Variants in FSTL5 observed in about 807,000 individuals in gnomAD.
FSTL5 encodes the protein follistatin like 5.
A neutral mutation model predicts 89.1 loss-of-function variants in FSTL5; 62 were observed. The observed-to-expected ratio is 0.70, with a 90% CI of 0.57 to 0.86. The LOEUF is 0.86. Among genes scored for constraint, FSTL5 ranks in the 40% least tolerant of loss-of-function variants. FSTL5 has a pLI of 0.00. For synonymous variants in FSTL5, 383 were observed against 346.2 expected (o/e 1.11, Z -1.18); for missense variants, 1,057 against 1,001.6 (o/e 1.06, Z -0.75).
At chr4:161,936,008 C>A (rs1388028782) in intron 3 of FSTL5, among the ~76,000 whole-genome samples, 1 of 152,094 alleles carries the variant, frequency 6.6e-6, no homozygotes, top group East Asian at 1.9e-4. Flanking sequence ...CATGGTGAAA[C>A]CCTGTCTCTA....
chr4:161,838,122 CA>C, intron 4 of FSTL5, among the ~76,000 whole-genome samples: 1 of 151,888 alleles, frequency 6.6e-6, no homozygotes, highest in African/African-American at 2.4e-5. Context: ...ATTACTGAAG[CA>C]AAAAATCAAA....
Position 161,459,220 on chromosome 4 carries a change from TTGG to T in FSTL5, c.1705_1707del (p.Pro569del). 1 of 1,578,738 alleles carries T rather than the reference TTGG, an allele frequency of 6.3e-7. No homozygotes were observed. The highest frequency in any genetic ancestry group is 8.7e-7 in the Non-Finnish European group (1 of 1,147,886). On this transcript the variant is annotated inframe_deletion, in exon 14 of 16. Coordinates refer to ENST00000306100, the MANE Select transcript of FSTL5 (RefSeq NM_020116.5). ...TACTGAAATGTACTTACCTGTAGTG[TTGG>T]TGATGTCTTCTCCAAGGTACCCCAG...
intron 6 of FSTL5, among the ~76,000 whole-genome samples, chr4:161,681,289 GA>G (rs551803162): frequency 6.6e-6 from 1 of 151,866 alleles, no homozygotes; most frequent in African/African-American, 2.4e-5. Flanking sequence ...GAAATCAAAA[GA>G]AAAAACTACA....
intron 3 of FSTL5, among the ~76,000 whole-genome samples, chr4:162,028,249 TG>T (rs1737376531): frequency 6.6e-6 from 1 of 152,190 alleles, no homozygotes; most frequent in South Asian, 2.1e-4. Flanking sequence ...AATAACTTTT[TG>T]GACTAAAAGT....
chr4:162,001,837 A>AT (rs1482523514), intron 3 of FSTL5, among the ~76,000 whole-genome samples: 5 of 152,134 alleles, frequency 3.3e-5, no homozygotes, highest in Middle Eastern at 3.4e-3. Flanking sequence ...CAAAAAAATG[A>AT]TTTTTTCTCC....
At chr4:162,017,855 T>C (rs774122592) in intron 3 of FSTL5, among the ~76,000 whole-genome samples, 2 of 152,142 alleles carry the variant, frequency 1.3e-5, no homozygotes, top group African/African-American at 2.4e-5. Flanking sequence ...TAAATGCAAA[T>C]TTCCCTACTC....
rs995371889 is a variant in FSTL5 at position 162,157,165 on chromosome 4, G to T, written c.-17+6450C>A. ...TGATAAGAGAAAAATAGAGAATAGGGAATCAGACAAAGCTACATGATAAAG... is the reference window on the plus strand; with the variant it reads ...TGATAAGAGAAAAATAGAGAATAGGTAATCAGACAAAGCTACATGATAAAG... On this transcript the variant is annotated intron_variant, in intron 1 of 15. Coordinates refer to ENST00000306100, the MANE Select transcript of FSTL5 (RefSeq NM_020116.5). Among the ~76,000 whole-genome samples, 11 of 152,044 alleles carry T rather than the reference G, an allele frequency of 7.2e-5. No individual in the cohort carries two copies. In the South Asian group the frequency reaches 1.0e-3, roughly 14 times the overall value.
intron 7 of FSTL5, among the ~76,000 whole-genome samples, chr4:161,603,285 TAA>T (rs1734315948): frequency 6.6e-6 from 1 of 152,178 alleles, no homozygotes; most frequent in Non-Finnish European, 1.5e-5. Flanking sequence ...CCAGTGCATA[TAA>T]AAAGTTACGT....
At position 161,656,386 on chromosome 4, in the gene FSTL5, G is replaced by A; in HGVS notation, c.836C>T (p.Pro279Leu). ...AATATTGTTCCTTTTCCAGATAATG[G>A]GAGGTCTCAGGGTTCCTTGAATGGC... ...SCAIQGTLRP[P>L]IIWKRNNIIL... The change falls in exon 7 of 16, where the codon CCC becomes CTC. Residue 279 changes from proline to leucine, a missense_variant. Around this residue, in one of 3 missense-constraint regions of FSTL5, gnomAD observed 980 missense variants for 903.2 expected, o/e 1.08. Coordinates refer to ENST00000306100, the MANE Select transcript of FSTL5 (RefSeq NM_020116.5). 6.2e-7 allele frequency: 1 copy of A among 1,606,824 alleles called. No homozygotes were observed. Among genetic ancestry groups the A allele is most frequent in the Non-Finnish European group, 8.5e-7 (1 of 1,174,286 alleles).
chr4:162,023,952 T>A (rs1737188607), intron 3 of FSTL5, among the ~76,000 whole-genome samples: 1 of 152,110 alleles, frequency 6.6e-6, no homozygotes, highest in African/African-American at 2.4e-5. Context: ...AGACCCTGCT[T>A]GCATAAATCT....
At chr4:161,791,926 G>T (rs540347973) in intron 4 of FSTL5, among the ~76,000 whole-genome samples, 1 of 152,170 alleles carries the variant, frequency 6.6e-6, no homozygotes, top group Non-Finnish European at 1.5e-5. Flanking sequence ...TGCGCGCTCC[G>T]CAGAGCCAGT....
At chr4:161,983,570 T>A (rs1178456931) in intron 3 of FSTL5, among the ~76,000 whole-genome samples, 1 of 152,190 alleles carries the variant, frequency 6.6e-6, no homozygotes, top group Admixed American at 6.5e-5. Context: ...AGATTTATAC[T>A]TGCAATTTTA....
intron 8 of FSTL5, among the ~76,000 whole-genome samples, chr4:161,582,715 A>T (rs1309337962): frequency 6.6e-6 from 1 of 152,174 alleles, no homozygotes; most frequent in East Asian, 1.9e-4. Flanking sequence ...AAACTTTGCA[A>T]ATAAGGTGGC....
chr4:161,622,284 G>A (rs1456811729), intron 7 of FSTL5, among the ~76,000 whole-genome samples: 1 of 151,970 alleles, frequency 6.6e-6, no homozygotes, highest in Non-Finnish European at 1.5e-5. Context: ...GGTTTACACT[G>A]GTGAATCCTG....
intron 2 of FSTL5, among the ~76,000 whole-genome samples, chr4:162,077,150 G>A (rs553914311): frequency 6.6e-6 from 1 of 151,918 alleles, no homozygotes; most frequent in South Asian, 2.1e-4. Flanking sequence ...TCAAGGGGCT[G>A]GCAGCTTTCA....
intron 7 of FSTL5, among the ~76,000 whole-genome samples, chr4:161,629,498 A>C (rs1735427252): frequency 6.6e-6 from 1 of 151,974 alleles, no homozygotes; most frequent in Admixed American, 6.6e-5. Flanking sequence ...GCCTGCCACC[A>C]CACCTGGCTA....
intron 10 of FSTL5, among the ~76,000 whole-genome samples, chr4:161,514,442 A>G (rs1333847027): frequency 6.6e-6 from 1 of 152,182 alleles, no homozygotes; most frequent in East Asian, 1.9e-4. Context: ...GACATAAAAA[A>G]GAAACAATAG....
intron 1 of FSTL5, among the ~76,000 whole-genome samples, chr4:162,120,260 T>G (rs934951632): frequency 2.0e-5 from 3 of 152,108 alleles, no homozygotes; most frequent in African/African-American, 7.2e-5. Context: ...TTAGTTCCAT[T>G]ATTTTGTTTC....
At chr4:161,455,332 GA>G (rs906961661) in intron 14 of FSTL5, among the ~76,000 whole-genome samples, 1 of 151,626 alleles carries the variant, frequency 6.6e-6, no homozygotes, top group Non-Finnish European at 1.5e-5. Flanking sequence ...TTTCTATAAA[GA>G]AAAAAATAGA....
Sources: allele counts gnomAD v4.1 joint callset (sites outside exome capture counted in the v4.1 genomes callset), GRCh38; gene constraint gnomAD v4.1.1; regional missense constraint gnomAD v4.1.1; transcripts MANE v1.5; gene names NCBI Gene and HGNC (gene_info 2026-07-23, HGNC 2026-07-21).